The following ARID2 variants were observed in gnomAD, a reference collection of about 807,000 sequenced individuals.
The protein encoded by ARID2 is AT-rich interactive domain-containing protein 2.
A neutral mutation model predicts 184.6 loss-of-function variants in ARID2; 32 were observed. The ratio of observed to expected loss-of-function variants is 0.17; its 90% CI spans 0.13 to 0.23. The LOEUF is 0.23. Among genes scored for constraint, ARID2 ranks in the 10% least tolerant of loss-of-function variants. ARID2 has a pLI of 1.00. For synonymous variants in ARID2, 836 were observed against 772.6 expected (o/e 1.08, Z -1.36); for missense variants, 1,696 against 2,197.6 (o/e 0.77, Z 4.56).
chr12:45,856,067 CTTT>C lies in ARID2; in HGVS notation c.4773+3194_4773+3196del, dbSNP rs930473740. ...ATGTACTCTTTTTCTTTCTTCTTTT[CTTT>C]TTTTTTTTTTTTTTTTTTTTTTGAG... On this transcript the variant is annotated intron_variant, in intron 15 of 20. Transcript: ENST00000334344. Among the ~76,000 whole-genome samples, 187 of 74,610 alleles carry C rather than the reference CTTT, an allele frequency of 2.5e-3. 2 individuals carry two copies. In the South Asian group the frequency reaches 0.085, roughly 34 times the overall value. 48.9% of individuals were successfully genotyped at this position (74,610 alleles called of 152,430 possible).
chr12:45,843,131 A>G (rs2138144293), intron 11 of ARID2, among the ~76,000 whole-genome samples: 1 of 152,130 alleles, frequency 6.6e-6, no homozygotes, highest in East Asian at 1.9e-4. Context: ...TGGCTCAGTC[A>G]TTAGAGGCCT....
intron 16 of ARID2, among the ~76,000 whole-genome samples, chr12:45,888,387 T>A (rs1050746223): frequency 1.3e-5 from 2 of 152,184 alleles, no homozygotes; most frequent in African/African-American, 4.8e-5. Flanking sequence ...TGGAGAATAT[T>A]TTCAGGAGCA....
chr12:45,754,208 A>T (rs1941520655), intron 3 of ARID2, among the ~76,000 whole-genome samples: 1 of 149,530 alleles, frequency 6.7e-6, no homozygotes, highest in South Asian at 2.1e-4. Context: ...AAAAAATAAT[A>T]AAAAAAGAGG....
intron 16 of ARID2, among the ~76,000 whole-genome samples, chr12:45,870,389 T>C (rs1555157994): frequency 6.6e-6 from 1 of 152,226 alleles, no homozygotes; most frequent in Non-Finnish European, 1.5e-5. Context: ...TTTCCACTAT[T>C]ATTGACACCT....
chr12:45,804,076 G>T (rs1246085715), intron 3 of ARID2, among the ~76,000 whole-genome samples: 3 of 152,162 alleles, frequency 2.0e-5, no homozygotes, highest in Non-Finnish European at 4.4e-5. Flanking sequence ...AGTATCTTAT[G>T]TGTGTGCCCC....
intron 3 of ARID2, among the ~76,000 whole-genome samples, chr12:45,746,963 G>A (rs1941371275): frequency 6.6e-6 from 1 of 152,090 alleles, no homozygotes. Context: ...TAGAGATGGG[G>A]TTTCACCGTG....
At position 45,729,768 on chromosome 12, in the gene ARID2, A is replaced by G; in HGVS notation, c.-69A>G. The G allele has an allele frequency of 6.9e-7, 1 of 1,447,694 alleles. No individual in the cohort carries two copies. Among genetic ancestry groups the G allele is most frequent in the Non-Finnish European group, 9.5e-7 (1 of 1,057,688 alleles). 89.7% of individuals were successfully genotyped at this position (1,447,694 alleles called of 1,614,324 possible). ...GAATGGGCTCCGGGCTCTGGTAGGA[A>G]GCGCTGGGAGCGGGGGGCGCTTTTA... On this transcript the variant is annotated 5_prime_UTR_variant, in exon 1 of 21. Transcript: ENST00000334344.
chr12:45,767,571 G>A (rs1442202366), intron 3 of ARID2, among the ~76,000 whole-genome samples: 2 of 152,162 alleles, frequency 1.3e-5, no homozygotes, highest in Admixed American at 6.5e-5. Context: ...GCAGGGGCCT[G>A]TAATCCCAGC....
rs775567053 is a variant in ARID2, at chr12:45,891,817, G to T, written c.4960G>T (p.Ala1654Ser). Residue 1654 changes from alanine (A) to serine (S), a missense_variant, in exon 17 of 21, where the codon GCA becomes TCA. Coordinates refer to ENST00000334344, the MANE Select transcript of ARID2 (RefSeq NM_152641.4). ...ACCCTCACAGGTTTTCTACCATGCA[G>T]CAACTGAACATGGAGGAAAAGATGT... The part of the protein sequence containing the change: ...QTPSQVFYHA[A>S]TEHGGKDVYP... 1.2e-6 allele frequency: 2 copies of T among 1,614,110 alleles called. No homozygotes were observed. The highest frequency in any genetic ancestry group is 4.5e-5 in the East Asian group (2 of 44,882).
Position 45,870,150 on chromosome 12 carries a change from T to C in ARID2, c.4922+9201T>C, listed in dbSNP as rs573007778. 2.2e-4 allele frequency among the ~76,000 whole-genome samples: 34 copies of C among 152,014 alleles called. 1 individual carries two copies. The East Asian group carries it at 6.1e-3, about 27-fold the overall frequency. ...ACAGGCGCCCGCCACCATGCCCTGC[T>C]AACTTTTTTTGTATTTTTAGTAGAG... is the stretch of plus-strand genomic sequence containing the variant. On this transcript the variant is annotated intron_variant, in intron 16 of 20. Transcript: ENST00000334344.
chr12:45,838,478 A>G (rs748456618), intron 10 of ARID2, among the ~76,000 whole-genome samples: 7 of 152,166 alleles, frequency 4.6e-5, no homozygotes, highest in Non-Finnish European at 8.8e-5. Flanking sequence ...AAGTATATAG[A>G]TATCCACTGC....
chr12:45,877,370 G>C (rs1944026601), intron 16 of ARID2, among the ~76,000 whole-genome samples: 2 of 151,918 alleles, frequency 1.3e-5, no homozygotes, highest in South Asian at 4.2e-4. Flanking sequence ...GTGCATGCGA[G>C]GGATCTAGGT....
intron 10 of ARID2, among the ~76,000 whole-genome samples, 163 bp downstream of exon 10, chr12:45,837,870 A>G (rs1432584377): frequency 6.6e-6 from 1 of 152,196 alleles, no homozygotes; most frequent in Non-Finnish European, 1.5e-5. Context: ...TATGCTTTAA[A>G]TTCAGTGATG....
intron 3 of ARID2, among the ~76,000 whole-genome samples, chr12:45,795,851 T>C (rs1290230198): frequency 6.6e-6 from 1 of 152,088 alleles, no homozygotes; most frequent in African/African-American, 2.4e-5. Context: ...GTCTCCTCCA[T>C]CCTCTTTTTT....
chr12:45,756,607 A>G (rs1941576875), intron 3 of ARID2, among the ~76,000 whole-genome samples: 1 of 152,262 alleles, frequency 6.6e-6, no homozygotes, highest in Admixed American at 6.5e-5. Context: ...AGCATTTAGA[A>G]TGAAGTTAAT....
At chr12:45,815,599 TTGTGTG>T (rs376716014) in intron 4 of ARID2, among the ~76,000 whole-genome samples, 4 of 149,734 alleles carry the variant, frequency 2.7e-5, no homozygotes, top group Non-Finnish European at 3.0e-5. Context: ...CTTAAAGAGA[TTGTGTG>T]TGTGTGTGTG....
intron 18 of ARID2, 71 bp downstream of exon 18, chr12:45,892,167 G>T: frequency 9.6e-6 from 14 of 1,458,554 alleles, no homozygotes; most frequent in Non-Finnish European, 1.3e-5. Context: ...AAAATGAAAC[G>T]CAACTTAGCA....
At chr12:45,891,963 A>G (rs1944307003) in intron 17 of ARID2, 45 bp downstream of exon 17, 1 of 1,614,092 alleles carries the variant, frequency 6.2e-7, no homozygotes, top group East Asian at 2.2e-5. Flanking sequence ...ATTTGACTGC[A>G]TTAAAGATTT....
At chr12:45,788,054 G>A (rs1328503617) in intron 3 of ARID2, among the ~76,000 whole-genome samples, 4 of 152,066 alleles carry the variant, frequency 2.6e-5, no homozygotes, top group Admixed American at 2.0e-4. Flanking sequence ...ATTGTGGAAT[G>A]GTTAAACCTA....
Sources: allele counts gnomAD v4.1 joint callset (sites outside exome capture counted in the v4.1 genomes callset), GRCh38; gene constraint gnomAD v4.1.1; transcripts MANE v1.5; gene names NCBI Gene and HGNC (gene_info 2026-07-23, HGNC 2026-07-21).